The following CNTN6 variants were observed in gnomAD, a reference collection of about 807,000 sequenced individuals.
CNTN6 encodes contactin-6.
In CNTN6, 137 loss-of-function variants were observed where a neutral mutation model predicts 122.8. That is an observed-to-expected ratio of 1.12 (90% CI 0.97 to 1.29). The LOEUF is 1.29. CNTN6 is among the 50% of genes most tolerant of loss of function. CNTN6 has a pLI of 0.00. For missense variants in CNTN6, 1,634 were observed against 1,223.4 expected, an observed-to-expected ratio of 1.34 and a Z score of -5.01; for synonymous variants, 570 against 426.0, an observed-to-expected ratio of 1.34 and a Z score of -4.16.
At chr3:1,327,845 G>T (rs1477728505) in intron 10 of CNTN6, among the ~76,000 whole-genome samples, 4 of 151,768 alleles carry the variant, frequency 2.6e-5, no homozygotes, top group Non-Finnish European at 4.4e-5. Context: ...ATTCTAGCAT[G>T]AATTTTTGAG....
At position 1,403,360 on chromosome 3, in the gene CNTN6, A is replaced by G. The variant is rs2126268314; in HGVS notation, c.3029A>G (p.His1010Arg). 1 of 1,611,258 alleles carries G rather than the reference A, an allele frequency of 6.2e-7. No individual in the cohort carries two copies. ...RGIQFLEPST[H>R]FLSIVIVIFH... ...ATTCAATTCTTAGAACCTAGCACCC[A>G]TTTTCTTTCCATTGTCATTGTGATT... is the stretch of plus-strand genomic sequence containing the variant. Residue 1010 changes from histidine (H) to arginine (R), a missense_variant, in exon 23 of 23, where the codon CAT (histidine) becomes CGT (arginine). Coordinates refer to ENST00000446702, the MANE Select transcript of CNTN6 (RefSeq NM_001289080.2).
At chr3:1,106,249 C>T (rs1257726188) in intron 1 of CNTN6, among the ~76,000 whole-genome samples, 1 of 152,092 alleles carries the variant, frequency 6.6e-6, no homozygotes, top group Admixed American at 6.6e-5. Context: ...ATATTTTCTT[C>T]TTCAAAAACC....
intron 2 of CNTN6, among the ~76,000 whole-genome samples, chr3:1,216,667 G>A (rs893025536): frequency 7.9e-5 from 12 of 152,176 alleles, no homozygotes; most frequent in Non-Finnish European, 1.6e-4. Flanking sequence ...CAGCACTGGG[G>A]AGCCAGTAAT....
At chr3:1,386,142 T>C (rs1469047064) in intron 20 of CNTN6, among the ~76,000 whole-genome samples, 1 of 152,202 alleles carries the variant, frequency 6.6e-6, no homozygotes, top group African/African-American at 2.4e-5. Flanking sequence ...GAGTCTCAGT[T>C]GCCTACCTAT....
At chr3:1,294,726 A>G (rs1376736330) in intron 5 of CNTN6, among the ~76,000 whole-genome samples, 1 of 152,176 alleles carries the variant, frequency 6.6e-6, no homozygotes, top group Non-Finnish European at 1.5e-5. Flanking sequence ...GCTCTAGTTT[A>G]TCGTGCCGGT....
chr3:1,391,918 A>G (rs564644124), intron 20 of CNTN6, among the ~76,000 whole-genome samples: 4,799 of 152,194 alleles, frequency 0.032, 196 homozygotes, highest in African/African-American at 0.11. Context: ...ATACAAACAA[A>G]TGGAAGAACA....
chr3:1,178,032 C>T (rs1048960564), intron 2 of CNTN6, among the ~76,000 whole-genome samples: 2 of 151,840 alleles, frequency 1.3e-5, no homozygotes, highest in Non-Finnish European at 2.9e-5. Flanking sequence ...TCCCTAATAG[C>T]TGGGATTACA....
chr3:1,285,223 G>C (rs2125821900), intron 5 of CNTN6, among the ~76,000 whole-genome samples: 1 of 152,312 alleles, frequency 6.6e-6, no homozygotes, highest in South Asian at 2.1e-4. Flanking sequence ...ATAATTTCCT[G>C]AAAGATTGAA....
At chr3:1,136,550 A>C (rs2092480035) in intron 1 of CNTN6, among the ~76,000 whole-genome samples, 1 of 152,152 alleles carries the variant, frequency 6.6e-6, no homozygotes, top group South Asian at 2.1e-4. Flanking sequence ...TGCATTTTGC[A>C]TATTATTTAG....
At chr3:1,385,460 G>GTATAACCATTTTAAT in intron 19 of CNTN6, 151 bp from the exon 20 acceptor site, 1 of 538,328 alleles carries the variant, frequency 1.9e-6, no homozygotes, top group Non-Finnish European at 3.2e-6. Flanking sequence ...TTTTGTTGTT[G>GTATAACCATTTTAAT]TATAACCATT....
At chr3:1,115,792 G>C (rs2091696035) in intron 1 of CNTN6, among the ~76,000 whole-genome samples, 1 of 151,874 alleles carries the variant, frequency 6.6e-6, no homozygotes, top group Non-Finnish European at 1.5e-5. Context: ...AACACCAACA[G>C]AGAATAAGAA....
chr3:1,292,007 T>G (rs560481632), intron 5 of CNTN6, among the ~76,000 whole-genome samples: 1 of 152,268 alleles, frequency 6.6e-6, no homozygotes, highest in South Asian at 2.1e-4. Flanking sequence ...AGCTTAGGTT[T>G]AACCCCCATC....
At chr3:1,312,886 T>G (rs1277370007) in intron 7 of CNTN6, among the ~76,000 whole-genome samples, 3 of 151,796 alleles carry the variant, frequency 2.0e-5, no homozygotes, top group Non-Finnish European at 2.9e-5. Context: ...AATTTGTTCA[T>G]CTACAAAATG....
chr3:1,099,947 A>G (rs2090789115), intron 1 of CNTN6, among the ~76,000 whole-genome samples: 1 of 152,210 alleles, frequency 6.6e-6, no homozygotes, highest in Admixed American at 6.5e-5. Context: ...TTTCAAATAA[A>G]GACTAAAGAT....
chr3:1,238,891 A>G (rs1222850534), intron 4 of CNTN6, among the ~76,000 whole-genome samples: 3 of 152,212 alleles, frequency 2.0e-5, no homozygotes, highest in African/African-American at 4.8e-5. Context: ...ATAGACTGTT[A>G]GTGAGATTAA....
At chr3:1,154,733 G>A (rs943314933) in intron 2 of CNTN6, among the ~76,000 whole-genome samples, 6 of 152,056 alleles carry the variant, frequency 3.9e-5, no homozygotes, top group Admixed American at 2.6e-4. Flanking sequence ...GTGAGCCACC[G>A]CGCCCGGCCC....
At chr3:1,393,481 G>A (rs1370422062) in intron 20 of CNTN6, among the ~76,000 whole-genome samples, 41 of 142,892 alleles carry the variant, frequency 2.9e-4, no homozygotes, top group Non-Finnish European at 3.3e-4. Flanking sequence ...TGGGTGCAGC[G>A]CACCAGCATG....
intron 20 of CNTN6, among the ~76,000 whole-genome samples, chr3:1,389,087 G>A (rs1394388726): frequency 3.4e-5 from 5 of 145,344 alleles, no homozygotes; most frequent in African/African-American, 7.5e-5. Flanking sequence ...TCCTCGAGAA[G>A]AGCAACTCCA....
intron 4 of CNTN6, among the ~76,000 whole-genome samples, chr3:1,268,093 T>G (rs1287208174): frequency 6.6e-6 from 1 of 152,236 alleles, no homozygotes; most frequent in Non-Finnish European, 1.5e-5. Context: ...GTTTTGGCAC[T>G]GTCCTCCCTG....
Sources: allele counts gnomAD v4.1 joint callset (sites outside exome capture counted in the v4.1 genomes callset), GRCh38; gene constraint gnomAD v4.1.1; transcripts MANE v1.5; gene names NCBI Gene and HGNC (gene_info 2026-07-23, HGNC 2026-07-21).